Variants in FOXN3 observed in about 807,000 individuals in gnomAD.
The protein encoded by FOXN3 is forkhead box N3, also known as forkhead box protein N3.
In FOXN3, 7 loss-of-function variants were observed where a neutral mutation model predicts 38.4. The observed-to-expected ratio is 0.18, with a 90% CI of 0.10 to 0.34. The LOEUF (loss-of-function observed/expected upper bound fraction) is 0.34. Among genes scored for constraint, FOXN3 ranks in the 10% least tolerant of loss-of-function variants. The pLI is 1.00. For synonymous variants in FOXN3, 230 were observed against 242.2 expected (o/e 0.95, Z 0.47); for missense variants, 456 against 613.4 (o/e 0.74, Z 2.71).
At chr14:89,475,955 C>T (rs187335633) in intron 1 of FOXN3, among the ~76,000 whole-genome samples, 9 of 152,278 alleles carry the variant, frequency 5.9e-5, no homozygotes, top group Middle Eastern at 3.4e-3. Flanking sequence ...TTGGACCTTT[C>T]GGTAGCTGCT....
intron 1 of FOXN3, among the ~76,000 whole-genome samples, chr14:89,610,793 C>T (rs757367270): frequency 2.0e-5 from 3 of 152,272 alleles, no homozygotes; most frequent in Admixed American, 6.5e-5. Context: ...AGTAGGTGCC[C>T]GCAACTGCTC....
At chr14:89,331,740 T>C (rs1164053289) in intron 3 of FOXN3, among the ~76,000 whole-genome samples, 1 of 152,244 alleles carries the variant, frequency 6.6e-6, no homozygotes, top group Non-Finnish European at 1.5e-5. Flanking sequence ...CATACATAAC[T>C]GAAACAAAGG....
At chr14:89,309,305 T>C (rs971370190) in intron 3 of FOXN3, among the ~76,000 whole-genome samples, 5 of 152,020 alleles carry the variant, frequency 3.3e-5, no homozygotes, top group African/African-American at 1.2e-4. Flanking sequence ...CCACTTCTCT[T>C]TACCCATCGG....
intron 4 of FOXN3, among the ~76,000 whole-genome samples, chr14:89,228,758 T>G (rs1002439361): frequency 1.3e-5 from 2 of 152,220 alleles, no homozygotes; most frequent in African/African-American, 4.8e-5. Context: ...TCAGAACGAA[T>G]ATAACACCTG....
At chr14:89,319,349 G>T (rs1451984980) in intron 3 of FOXN3, among the ~76,000 whole-genome samples, 1 of 152,112 alleles carries the variant, frequency 6.6e-6, no homozygotes, top group Non-Finnish European at 1.5e-5. Context: ...GAAGTCCAGA[G>T]GAACCCAGAT....
intron 5 of FOXN3, 148 bp downstream of exon 5, chr14:89,180,553 T>A (rs1447357066): frequency 5.9e-6 from 3 of 509,132 alleles, no homozygotes; most frequent in African/African-American, 5.9e-5. Context: ...TTCTTGGGGT[T>A]ACTTTCACAT....
chr14:89,291,705 A>G lies in FOXN3; in HGVS notation c.681-10691T>C, dbSNP rs191171006. 9.0e-4 allele frequency: 343 copies of G among 379,674 alleles called. 1 individual carries two copies. Among genetic ancestry groups the G allele is most frequent in the Middle Eastern group, 2.6e-3 (3 of 1,136 alleles). 23.5% of individuals were successfully genotyped at this position (379,674 alleles called of 1,614,324 possible). A position where few individuals can be genotyped will look rare whatever the true frequency, so the allele number is the denominator to read the frequency against. ...GTTGTTTTAAATATACTGAAGTTTCATCACATTCCCCAAAGCCTGCCATTC... is the reference window on the plus strand; with the variant it reads ...GTTGTTTTAAATATACTGAAGTTTCGTCACATTCCCCAAAGCCTGCCATTC... On this transcript the variant is annotated intron_variant, in intron 3 of 5. Transcript: ENST00000557258.
At chr14:89,458,448 A>G (rs902737760) in intron 1 of FOXN3, among the ~76,000 whole-genome samples, 1 of 152,226 alleles carries the variant, frequency 6.6e-6, no homozygotes, top group East Asian at 1.9e-4. Flanking sequence ...GTGCTCCCTC[A>G]AAACTCAGCA....
chr14:89,585,677 A>C (rs1231643128), intron 1 of FOXN3, among the ~76,000 whole-genome samples: 1 of 151,740 alleles, frequency 6.6e-6, no homozygotes, highest in East Asian at 1.9e-4. Flanking sequence ...GTCTGAGTAC[A>C]GTGGTATTTA....
chr14:89,352,149 A>G (rs1280786967), intron 2 of FOXN3, among the ~76,000 whole-genome samples: 1 of 152,212 alleles, frequency 6.6e-6, no homozygotes, highest in Non-Finnish European at 1.5e-5. Flanking sequence ...CTGACCCCAG[A>G]CACAGGTCAG....
intron 1 of FOXN3, among the ~76,000 whole-genome samples, chr14:89,448,281 G>C (rs1296074095): frequency 1.3e-5 from 2 of 152,016 alleles, no homozygotes; most frequent in East Asian, 3.9e-4. Context: ...CCCGCCCCAC[G>C]CCCACACACA....
chr14:89,390,583 T>C (rs1256076429), intron 2 of FOXN3, among the ~76,000 whole-genome samples: 1 of 151,442 alleles, frequency 6.6e-6, no homozygotes, highest in East Asian at 1.9e-4. Flanking sequence ...TAGTGGCTAC[T>C]ACAAAATTCT....
At chr14:89,165,083 A>G (rs145499832) in intron 5 of FOXN3, among the ~76,000 whole-genome samples, 108 of 152,270 alleles carry the variant, frequency 7.1e-4, no homozygotes, top group African/African-American at 2.4e-3. Flanking sequence ...ATGAACCCCA[A>G]CACTTACAAT....
chr14:89,262,222 A>G (rs1382850542), intron 4 of FOXN3, among the ~76,000 whole-genome samples: 1 of 152,204 alleles, frequency 6.6e-6, no homozygotes. Flanking sequence ...TTTGCCTGTG[A>G]CTCAGGGCAA....
chr14:89,274,038 CAA>C (rs1369783279), intron 4 of FOXN3, among the ~76,000 whole-genome samples: 2 of 152,048 alleles, frequency 1.3e-5, no homozygotes, highest in Non-Finnish European at 1.5e-5. Context: ...GCAAAATGGA[CAA>C]AAGAGTCAGC....
intron 4 of FOXN3, among the ~76,000 whole-genome samples, chr14:89,253,239 G>A (rs961211185): frequency 6.6e-6 from 1 of 152,194 alleles, no homozygotes; most frequent in Non-Finnish European, 1.5e-5. Context: ...CCTTTTTCAG[G>A]GAGTGCTCAC....
At chr14:89,345,699 C>A (rs951893299) in intron 3 of FOXN3, among the ~76,000 whole-genome samples, 2 of 152,174 alleles carry the variant, frequency 1.3e-5, no homozygotes, top group Non-Finnish European at 2.9e-5. Flanking sequence ...CAGTTTAGCA[C>A]CCACTTATAA....
At chr14:89,296,568 G>T (rs114556358) in intron 3 of FOXN3, among the ~76,000 whole-genome samples, 2 of 152,196 alleles carry the variant, frequency 1.3e-5, no homozygotes, top group Non-Finnish European at 2.9e-5. Flanking sequence ...GGGCCAGTTT[G>T]GTTCTAGCTT....
chr14:89,555,566 A>G (rs1172717314), intron 1 of FOXN3, among the ~76,000 whole-genome samples: 1 of 152,180 alleles, frequency 6.6e-6, no homozygotes, highest in East Asian at 1.9e-4. Flanking sequence ...TTCATATCTT[A>G]GGTGATTTTC....
Sources: allele counts gnomAD v4.1 joint callset (sites outside exome capture counted in the v4.1 genomes callset), GRCh38; gene constraint gnomAD v4.1.1; transcripts MANE v1.5; gene names NCBI Gene and HGNC (gene_info 2026-07-23, HGNC 2026-07-21).